Variants in SDK2 observed in about 807,000 individuals in gnomAD.
SDK2 encodes the protein sidekick cell adhesion molecule 2, also known as protein sidekick-2.
A neutral mutation model predicts 253.9 loss-of-function variants in SDK2; 105 were observed. The ratio of observed to expected loss-of-function variants is 0.41; its 90% CI spans 0.35 to 0.49. The LOEUF is 0.49. SDK2 is among the 20% of genes least tolerant of loss of function. The pLI, the probability that SDK2 is intolerant of heterozygous loss-of-function variation, is 0.06. For missense variants in SDK2, 2,608 were observed against 3,003.0 expected, an observed-to-expected ratio of 0.87 and a Z score of 3.07; for synonymous variants, 1,249 against 1,234.9, an observed-to-expected ratio of 1.01 and a Z score of -0.24.
chr17:73,488,633 A>C (rs2063784635), intron 2 of SDK2, among the ~76,000 whole-genome samples: 1 of 150,090 alleles, frequency 6.7e-6, no homozygotes, highest in African/African-American at 2.5e-5. Flanking sequence ...CCTTCCTTCT[A>C]CCACTTAACA....
At chr17:73,478,851 G>A (rs901737954) in intron 2 of SDK2, among the ~76,000 whole-genome samples, 1 of 152,232 alleles carries the variant, frequency 6.6e-6, no homozygotes, top group African/African-American at 2.4e-5. Flanking sequence ...TATTGTCCTC[G>A]TTAATAAATC....
At chr17:73,569,645 ATT>A (rs112413933) in intron 1 of SDK2, among the ~76,000 whole-genome samples, 1 of 148,882 alleles carries the variant, frequency 6.7e-6, no homozygotes, top group East Asian at 2.0e-4. Flanking sequence ...AGGCATTGGA[ATT>A]TTTTTTTTTC....
intron 1 of SDK2, among the ~76,000 whole-genome samples, chr17:73,532,239 A>G (rs1178169895): frequency 7.5e-6 from 1 of 133,954 alleles, no homozygotes; most frequent in Non-Finnish European, 1.6e-5. Context: ...CCAGCACGGA[A>G]TGTCAACTGT....
intron 2 of SDK2, among the ~76,000 whole-genome samples, chr17:73,488,038 C>T (rs188387742): frequency 2.0e-3 from 307 of 151,374 alleles, no homozygotes; most frequent in Middle Eastern, 0.017. Context: ...TTTTTTGAGA[C>T]GGAGCCTTGC....
chr17:73,393,557 C>T lies in SDK2; in HGVS notation c.3898+3G>A. 6.5e-7 allele frequency: 1 copy of T among 1,550,304 alleles called. No individual in the cohort carries two copies. The highest frequency in any genetic ancestry group is 8.8e-7 in the Non-Finnish European group (1 of 1,139,502). ...CCCCAAGCTTGCTGGGATACGGACT[C>T]ACCATCATCCAGCGTCCGCTCCAGG... On this transcript the variant is annotated splice_donor_region_variant and intron_variant, in intron 27 of 44. Coordinates refer to ENST00000392650, the MANE Select transcript of SDK2 (RefSeq NM_001144952.2).
intron 29 of SDK2, among the ~76,000 whole-genome samples, chr17:73,389,974 C>T (rs1368080472): frequency 1.3e-5 from 2 of 152,164 alleles, no homozygotes; most frequent in Non-Finnish European, 2.9e-5. Flanking sequence ...GTCTCAAACT[C>T]CTGACCTCAA....
chr17:73,403,121 G>A (rs2063042599), intron 18 of SDK2, among the ~76,000 whole-genome samples: 3 of 152,126 alleles, frequency 2.0e-5, no homozygotes, highest in Admixed American at 1.3e-4. Context: ...TTACAGATGA[G>A]GAAACTGAGG....
intron 1 of SDK2, among the ~76,000 whole-genome samples, chr17:73,615,837 T>C (rs1181812096): frequency 1.3e-5 from 2 of 151,922 alleles, no homozygotes; most frequent in Non-Finnish European, 2.9e-5. Context: ...TATACACAAA[T>C]ACACATACAC....
intron 36 of SDK2, among the ~76,000 whole-genome samples, chr17:73,372,113 G>T (rs1412993821): frequency 1.3e-5 from 2 of 152,196 alleles, no homozygotes; most frequent in African/African-American, 4.8e-5. Flanking sequence ...GAGTGGGTCG[G>T]GGCCTAGAAC....
chr17:73,480,087 C>T (rs1567796894), intron 2 of SDK2, among the ~76,000 whole-genome samples: 1 of 152,188 alleles, frequency 6.6e-6, no homozygotes, highest in Non-Finnish European at 1.5e-5. Context: ...TTAACGTATC[C>T]ACTCATCTGA....
chr17:73,509,801 G>A (rs1002073601), intron 1 of SDK2, among the ~76,000 whole-genome samples: 5 of 149,182 alleles, frequency 3.4e-5, no homozygotes, highest in African/African-American at 5.0e-5. Context: ...TTGGGAGGCT[G>A]AGGCAGGAGA....
At chr17:73,452,821 A>G (rs747511034) in intron 4 of SDK2, among the ~76,000 whole-genome samples, 2 of 152,186 alleles carry the variant, frequency 1.3e-5, no homozygotes, top group Non-Finnish European at 2.9e-5. Context: ...AAATAACCTC[A>G]GAAAGGGAGC....
chr17:73,382,025 G>T (rs1599504559), intron 33 of SDK2, among the ~76,000 whole-genome samples: 1 of 152,280 alleles, frequency 6.6e-6, no homozygotes. Flanking sequence ...GACCAGCCTG[G>T]CTAACATGGT....
chr17:73,535,410 T>C (rs778018155), intron 1 of SDK2, among the ~76,000 whole-genome samples: 1 of 152,214 alleles, frequency 6.6e-6, no homozygotes, highest in African/African-American at 2.4e-5. Flanking sequence ...GCATGGTGCC[T>C]GGTACTGGTG....
intron 18 of SDK2, among the ~76,000 whole-genome samples, chr17:73,407,561 G>T (rs2063089101): frequency 6.6e-6 from 1 of 151,998 alleles, no homozygotes; most frequent in Non-Finnish European, 1.5e-5. Flanking sequence ...TACCTGATAA[G>T]ACAATAAGGA....
chr17:73,488,986 G>A (rs1013922131), intron 2 of SDK2, among the ~76,000 whole-genome samples: 2 of 152,168 alleles, frequency 1.3e-5, no homozygotes, highest in Non-Finnish European at 2.9e-5. Context: ...AAGCAGTCAC[G>A]AAATGTGTCC....
Position 73,431,329 on chromosome 17 carries a change from A to G in SDK2, c.1480+173T>C, listed in dbSNP as rs1195534475. On this transcript the variant is annotated intron_variant, in intron 11 of 44. Coordinates refer to ENST00000392650, the MANE Select transcript of SDK2 (RefSeq NM_001144952.2). The surrounding 1 kb of genome is among the most constrained non-coding windows in gnomAD (Gnocchi z 5.6). ...AATCTTCCTAGTCCCTGGCCTCTGAACCACTTTGTCACTGTCCCTCTGATG... is the reference window on the plus strand; with the variant it reads ...AATCTTCCTAGTCCCTGGCCTCTGAGCCACTTTGTCACTGTCCCTCTGATG... Among the ~76,000 whole-genome samples, 4 of 152,120 alleles carry G rather than the reference A, an allele frequency of 2.6e-5. No individual in the cohort carries two copies. Among genetic ancestry groups the G allele is most frequent in the Non-Finnish European group, 4.4e-5 (3 of 68,018 alleles).
chr17:73,401,227 G>A lies in SDK2; in HGVS notation c.2780-16C>T, dbSNP rs11653524. 0.25 allele frequency: 387,413 copies of A among 1,533,030 alleles called. 52,040 individuals are homozygous for A. Among genetic ancestry groups the A allele is most frequent in the East Asian group, 0.48 (19,459 of 40,586 alleles). The allele number at this position is 1,533,030 out of a possible 1,614,324, so 95.0% of individuals were successfully genotyped here. A position where few individuals can be genotyped will look rare whatever the true frequency, so the allele number is the denominator to read the frequency against. On this transcript the variant is annotated splice_polypyrimidine_tract_variant and intron_variant, in intron 20 of 44. Coordinates refer to ENST00000392650, the MANE Select transcript of SDK2 (RefSeq NM_001144952.2). The stretch of plus-strand genomic sequence containing the variant: ...ATCCGGTACCCTGGGGAGAGCCGCC[G>A]TGTTGGCATGAGCTTGGCTGTGATC...
intron 1 of SDK2, among the ~76,000 whole-genome samples, chr17:73,610,615 GGAGT>G (rs889465230): frequency 1.2e-4 from 18 of 152,244 alleles, no homozygotes; most frequent in Non-Finnish European, 2.5e-4. Flanking sequence ...AGGGAGGCGG[GGAGT>G]GAGTATGTGT....
Sources: gnomAD v4.1 joint callset for allele counts (sites outside exome capture counted in the v4.1 genomes callset) on GRCh38, gnomAD v4.1.1 for gene constraint, Gnocchi (gnomAD v3.1) non-coding constraint, MANE v1.5 for transcripts, NCBI Gene and HGNC (gene_info 2026-07-23, HGNC 2026-07-21) for gene names.